The following SYTL2 variants were observed in gnomAD, a reference collection of about 807,000 sequenced individuals.
The protein encoded by SYTL2 is synaptotagmin like 2, also known as synaptotagmin-like protein 2.
In SYTL2, 165 loss-of-function variants were observed where a neutral mutation model predicts 198.7. That is an observed-to-expected ratio of 0.83 (90% CI 0.73 to 0.94). The LOEUF is 0.94. Among genes scored for constraint, SYTL2 ranks in the 40% least tolerant of loss-of-function variants. The probability of loss-of-function intolerance (pLI) is 0.00; values close to 1 mark genes in which losing one functional copy is unlikely to be tolerated. For missense variants in SYTL2, 2,835 were observed against 2,582.8 expected (o/e 1.10, Z -2.12); for synonymous variants, 966 against 917.7 (o/e 1.05, Z -0.95).
intron 1 of SYTL2, among the ~76,000 whole-genome samples, chr11:85,805,615 C>T (rs1033858913): frequency 4.6e-5 from 7 of 152,148 alleles, no homozygotes; most frequent in Non-Finnish European, 8.8e-5. Context: ...CTCCTGTGGC[C>T]GGGAGGGATG....
chr11:85,745,711 T>C lies in SYTL2; in HGVS notation c.315A>G (p.Lys105=), dbSNP rs2091106865. ...CCAGCTCTGGAGGAAGGAAAGCATCTTTGTTGACATTATTCACCCAGCTTT... is the reference window on the plus strand; with the variant it reads ...CCAGCTCTGGAGGAAGGAAAGCATCCTTGTTGACATTATTCACCCAGCTTT... The part of the protein sequence containing the change: ...AKESWVNNVN[K]DAFLPPELAG... The change falls in exon 4 of 20, where the codon AAA becomes AAG. Residue 105 remains lysine, a synonymous_variant. Coordinates refer to ENST00000359152, the MANE Select transcript of SYTL2 (RefSeq NM_206927.4). 6.2e-7 allele frequency: 1 copy of C among 1,613,848 alleles called. No homozygotes were observed. The highest frequency in any genetic ancestry group is 8.5e-7 in the Non-Finnish European group (1 of 1,179,776).
At chr11:85,798,139 G>A (rs542526736) in intron 1 of SYTL2, among the ~76,000 whole-genome samples, 10 of 151,948 alleles carry the variant, frequency 6.6e-5, no homozygotes, top group East Asian at 5.8e-4. Context: ...GATTACAGGC[G>A]TGAGCCACTG....
intron 7 of SYTL2, among the ~76,000 whole-genome samples, chr11:85,732,021 T>G (rs534655837): frequency 6.6e-6 from 1 of 152,232 alleles, no homozygotes; most frequent in African/African-American, 2.4e-5. Flanking sequence ...ATTAGAGAAA[T>G]GCAAATCAAA....
chr11:85,714,990 T>A (rs2086925345), intron 11 of SYTL2: 1 of 152,542 alleles, frequency 6.6e-6, no homozygotes, highest in African/African-American at 2.4e-5. Flanking sequence ...TAGAGTAGGT[T>A]TGTTTAGTGA....
At chr11:85,847,227 C>A in the SYTL2 span, among the ~76,000 whole-genome samples, 1 of 152,152 alleles carries the variant, frequency 6.6e-6, no homozygotes, top group Non-Finnish European at 1.5e-5. Flanking sequence ...ATCCCACACC[C>A]CAGCCCCTGA....
At chr11:85,764,885 C>G (rs1044360651) in intron 1 of SYTL2, among the ~76,000 whole-genome samples, 1 of 152,234 alleles carries the variant, frequency 6.6e-6, no homozygotes, top group African/African-American at 2.4e-5. Flanking sequence ...AAAGAACCTA[C>G]ATTTTATATG....
chr11:85,733,899 C>T (rs1209124315), intron 7 of SYTL2, 40 bp downstream of exon 7: 2 of 1,580,296 alleles, frequency 1.3e-6, no homozygotes, highest in East Asian at 4.5e-5. Context: ...GCGCCCGGCC[C>T]CACCAAGTTT....
the SYTL2 span, among the ~76,000 whole-genome samples, chr11:85,828,608 C>T: frequency 2.0e-5 from 3 of 152,220 alleles, no homozygotes; most frequent in African/African-American, 7.2e-5. Flanking sequence ...AGGATAATTT[C>T]TCCCACAATA....
chr11:85,801,172 T>A (rs1308941718), intron 1 of SYTL2, among the ~76,000 whole-genome samples: 4 of 152,200 alleles, frequency 2.6e-5, no homozygotes, highest in Admixed American at 2.6e-4. Context: ...ACCACAATAG[T>A]GCATGCTAAG....
the SYTL2 span, among the ~76,000 whole-genome samples, chr11:85,833,039 GA>G: frequency 9.6e-5 from 2 of 20,876 alleles, no homozygotes; most frequent in African/African-American, 4.6e-4. Context: ...AAGAAAGAAA[GA>G]AAGAAAGAAA....
rs1243216252 is a variant in SYTL2 at position 85,725,916 on chromosome 11, T to C, written c.3442A>G (p.Ile1148Val). 6.2e-7 allele frequency: 1 copy of C among 1,614,144 alleles called. No individual in the cohort carries two copies. The highest frequency in any genetic ancestry group is 8.5e-7 in the Non-Finnish European group (1 of 1,179,996). The change falls in exon 8 of 20, where the codon ATT becomes GTT. Residue 1148 changes from isoleucine (I) to valine (V), a missense_variant. Ile to Val is a conservative substitution (Grantham distance 29). Coordinates refer to ENST00000359152, the MANE Select transcript of SYTL2 (RefSeq NM_206927.4). ...TGAACTTTTCCACCAGAGGGTTGAA[T>C]TGCTGGTGTTGAGGTTTCTGAAAGC... ...KLLSETSTPA[I>V]QPSGGKVHGK...
intron 18 of SYTL2, among the ~76,000 whole-genome samples, chr11:85,696,818 G>A (rs1176116558): frequency 6.6e-6 from 1 of 152,200 alleles, no homozygotes. Context: ...AAATTTGCAA[G>A]CACAGGCTAT....
chr11:85,789,652 A>G (rs1275433001), intron 1 of SYTL2, among the ~76,000 whole-genome samples: 1 of 151,942 alleles, frequency 6.6e-6, no homozygotes, highest in African/African-American at 2.4e-5. Context: ...AGCCCTTCAA[A>G]GAATCATCTC....
At chr11:85,701,019 A>G (rs1179960480) in intron 16 of SYTL2, among the ~76,000 whole-genome samples, 2 of 152,222 alleles carry the variant, frequency 1.3e-5, no homozygotes, top group South Asian at 2.1e-4. Context: ...GGGAAAGGCC[A>G]TATCTTACAT....
chr11:85,852,790 C>T, the SYTL2 span: 5 of 242,730 alleles, frequency 2.1e-5, no homozygotes, highest in East Asian at 1.7e-4. Context: ...TCTGCCCGGC[C>T]GCCACCCCGT....
chr11:85,695,409 T>C (rs988209064), intron 19 of SYTL2, 69 bp from the exon 20 acceptor site: 3 of 1,351,114 alleles, frequency 2.2e-6, no homozygotes, highest in Non-Finnish European at 9.9e-7. Context: ...GGGAAAGTTA[T>C]TCCCTAATTA....
the SYTL2 span, among the ~76,000 whole-genome samples, chr11:85,823,717 G>A: frequency 2.0e-5 from 3 of 151,996 alleles, no homozygotes; most frequent in Admixed American, 1.3e-4. Context: ...TTATAGAGTT[G>A]GACCACAAGA....
chr11:85,704,094 C>T (rs531384233), intron 16 of SYTL2, among the ~76,000 whole-genome samples: 5 of 151,570 alleles, frequency 3.3e-5, no homozygotes, highest in African/African-American at 1.2e-4. Context: ...CTAGATAATC[C>T]AATTAAGAGA....
intron 1 of SYTL2, among the ~76,000 whole-genome samples, chr11:85,805,546 T>G (rs1344918707): frequency 6.6e-6 from 1 of 152,168 alleles, no homozygotes; most frequent in African/African-American, 2.4e-5. Flanking sequence ...GCTAATGCCC[T>G]CAGCCTCAAA....
Sources: allele counts gnomAD v4.1 joint callset (sites outside exome capture counted in the v4.1 genomes callset), GRCh38; gene constraint gnomAD v4.1.1; transcripts MANE v1.5; gene names NCBI Gene and HGNC (gene_info 2026-07-23, HGNC 2026-07-21).